Variants in GLDN observed in about 807,000 individuals in gnomAD.
GLDN encodes gliomedin.
A neutral mutation model predicts 56.5 loss-of-function variants in GLDN; 47 were observed. The ratio of observed to expected loss-of-function variants is 0.83; its 90% CI spans 0.66 to 1.06. The LOEUF (loss-of-function observed/expected upper bound fraction) is 1.06. Ranked by LOEUF, GLDN falls within the 50% of genes least tolerant of loss-of-function variation. The probability of loss-of-function intolerance (pLI) is 0.00; values close to 1 mark genes in which losing one functional copy is unlikely to be tolerated. For synonymous variants in GLDN, 332 were observed against 278.8 expected, an observed-to-expected ratio of 1.19 and a Z score of -1.90; for missense variants, 782 against 714.3, an observed-to-expected ratio of 1.09 and a Z score of -1.08.
intron 1 of GLDN, among the ~76,000 whole-genome samples, chr15:51,354,981 T>C (rs2037146707): frequency 6.6e-6 from 1 of 152,218 alleles, no homozygotes; most frequent in Non-Finnish European, 1.5e-5. Flanking sequence ...AAGGGTTATA[T>C]CCTAGAAATA....
intron 4 of GLDN, chr15:51,384,633 C>G (rs2037849020): frequency 6.5e-6 from 1 of 153,238 alleles, no homozygotes; most frequent in Non-Finnish European, 1.4e-5. Context: ...GCTCTGAGCA[C>G]CAGTCCTGGG....
chr15:51,394,798 C>T (rs750830075), intron 4 of GLDN, 37 bp from the exon 5 acceptor site: 2 of 1,612,044 alleles, frequency 1.2e-6, no homozygotes, highest in South Asian at 1.1e-5. Context: ...GAACTTTTTG[C>T]ACCATAGGCT....
chr15:51,364,137 A>AT (rs1269757798), intron 1 of GLDN, among the ~76,000 whole-genome samples: 3 of 151,518 alleles, frequency 2.0e-5, no homozygotes, highest in African/African-American at 2.4e-5. Context: ...GAATTTTGGA[A>AT]TTTTTTTTGC....
intron 1 of GLDN, among the ~76,000 whole-genome samples, chr15:51,355,941 C>T (rs150203131): frequency 0.022 from 3,302 of 150,762 alleles, 135 homozygotes; most frequent in African/African-American, 0.076. Context: ...GGTGTGGTGG[C>T]TCACGCCTGT....
At chr15:51,361,745 G>A (rs544965596) in intron 1 of GLDN, among the ~76,000 whole-genome samples, 2 of 152,292 alleles carry the variant, frequency 1.3e-5, no homozygotes, top group East Asian at 1.9e-4. Context: ...TATCTATAGT[G>A]GTAGAAGGTT....
chr15:51,409,749 T>C (rs190078618), downstream of GLDN, among the ~76,000 whole-genome samples: 18 of 152,354 alleles, frequency 1.2e-4, no homozygotes, highest in African/African-American at 4.3e-4. Flanking sequence ...AGGAGATTCA[T>C]GACTAATTCA....
chr15:51,366,269 A>G (rs2037399936), intron 1 of GLDN, among the ~76,000 whole-genome samples: 1 of 152,218 alleles, frequency 6.6e-6, no homozygotes. Context: ...TGGGTCAGCC[A>G]GTTCATGCAA....
chr15:51,398,363 G>A (rs1397196903), intron 6 of GLDN, among the ~76,000 whole-genome samples: 2 of 152,212 alleles, frequency 1.3e-5, no homozygotes, highest in Non-Finnish European at 2.9e-5. Flanking sequence ...AAAGCTAACT[G>A]GAAATCAAGG....
At chr15:51,410,749 C>T (rs985664012), downstream of GLDN, among the ~76,000 whole-genome samples, 2 of 152,124 alleles carry the variant, frequency 1.3e-5, no homozygotes, top group Non-Finnish European at 2.9e-5. Context: ...AAATATGTCC[C>T]AGATATTGCA....
At chr15:51,345,975 A>G (rs1316925063) in intron 1 of GLDN, among the ~76,000 whole-genome samples, 1 of 152,224 alleles carries the variant, frequency 6.6e-6, no homozygotes, top group Non-Finnish European at 1.5e-5. Context: ...AAAGATGTGC[A>G]AAACCTGTGT....
intron 1 of GLDN, among the ~76,000 whole-genome samples, chr15:51,371,182 T>A (rs1443707044): frequency 2.0e-5 from 3 of 152,248 alleles, no homozygotes; most frequent in African/African-American, 7.2e-5. Flanking sequence ...GGCTGCATTT[T>A]GCTTTCGTCA....
intron 1 of GLDN, among the ~76,000 whole-genome samples, chr15:51,354,119 A>G (rs893759550): frequency 6.6e-6 from 1 of 152,230 alleles, no homozygotes; most frequent in African/African-American, 2.4e-5. Flanking sequence ...CAATTTGTGG[A>G]GTTTGTTCTG....
At chr15:51,397,828 T>G (rs72729236) in intron 6 of GLDN, among the ~76,000 whole-genome samples, 181 of 152,310 alleles carry the variant, frequency 1.2e-3, no homozygotes, top group Non-Finnish European at 2.0e-3. Flanking sequence ...TCCCTCCTTC[T>G]GCTTCCTTCA....
At chr15:51,401,479 T>C (rs1236520268) in intron 8 of GLDN, 114 bp from the exon 9 acceptor site, 1 of 903,236 alleles carries the variant, frequency 1.1e-6, no homozygotes, top group African/African-American at 1.7e-5. Context: ...ACAAGGGACC[T>C]TAGGGAACAT....
At chr15:51,380,313 T>G (rs2037730293) in intron 2 of GLDN, among the ~76,000 whole-genome samples, 1 of 152,176 alleles carries the variant, frequency 6.6e-6, no homozygotes, top group Non-Finnish European at 1.5e-5. Context: ...CCTGCATGGG[T>G]GGTAGGCCCA....
intron 1 of GLDN, among the ~76,000 whole-genome samples, chr15:51,353,746 T>TAAAAAAAAAAAA (rs56751652): frequency 2.6e-5 from 3 of 117,126 alleles, no homozygotes; most frequent in Admixed American, 9.0e-5. Flanking sequence ...CACAGTCAAT[T>TAAAAAAAAAAAA]AAAAAAAAAA....
At chr15:51,401,797 GT>G in intron 9 of GLDN, 54 bp downstream of exon 9, 1 of 1,546,670 alleles carries the variant, frequency 6.5e-7, no homozygotes, top group Non-Finnish European at 8.8e-7. Context: ...CTGTGCTGTG[GT>G]GCTTTTGTGA....
intron 9 of GLDN, among the ~76,000 whole-genome samples, chr15:51,403,065 C>A (rs534838403): frequency 6.6e-6 from 1 of 152,304 alleles, no homozygotes; most frequent in East Asian, 1.9e-4. Context: ...GGTGGATAAC[C>A]CCCATAGTGA....
At position 51,361,394 on chromosome 15, in the gene GLDN, G is replaced by A. The variant is rs1022718215; in HGVS notation, c.364-16055G>A. ...TAGACTGATCCATGACTTGAATAGTGCATATATAAATTTGGGTATCTGCCA... is the reference window on the plus strand; with the variant it reads ...TAGACTGATCCATGACTTGAATAGTACATATATAAATTTGGGTATCTGCCA... On this transcript the variant is annotated intron_variant, in intron 1 of 9. Coordinates refer to ENST00000335449, the MANE Select transcript of GLDN (RefSeq NM_181789.4). Among the ~76,000 whole-genome samples the A allele has an allele frequency of 7.2e-5, 11 of 152,102 alleles. 1 individual carries two copies. The highest frequency in any genetic ancestry group is 6.5e-4 in the Admixed American group (10 of 15,272).
Sources: allele counts gnomAD v4.1 joint callset (sites outside exome capture counted in the v4.1 genomes callset), GRCh38; gene constraint gnomAD v4.1.1; transcripts MANE v1.5; gene names NCBI Gene and HGNC (gene_info 2026-07-23, HGNC 2026-07-21).